The following PRR16 variants were observed in gnomAD, a reference collection of about 807,000 sequenced individuals.
The protein encoded by PRR16 is proline rich 16.
A neutral mutation model predicts 18.2 loss-of-function variants in PRR16; 6 were observed. That is an observed-to-expected ratio of 0.33 (90% CI 0.18 to 0.65). PRR16 has a LOEUF of 0.65. PRR16 is among the 30% of genes least tolerant of loss of function. The probability of loss-of-function intolerance (pLI) is 0.74; values close to 1 mark genes in which losing one functional copy is unlikely to be tolerated. For synonymous variants in PRR16, 151 were observed against 147.8 expected, an observed-to-expected ratio of 1.02 and a Z score of -0.16; for missense variants, 412 against 376.6, an observed-to-expected ratio of 1.09 and a Z score of -0.78.
At chr5:120,578,149 T>TAAGCA (rs1672342695) in intron 1 of PRR16, among the ~76,000 whole-genome samples, 4 of 152,238 alleles carry the variant, frequency 2.6e-5, no homozygotes, top group Non-Finnish European at 5.9e-5. Context: ...AAAGCAGTTT[T>TAAGCA]TCCCCAGTTA....
the PRR16 span, among the ~76,000 whole-genome samples, chr5:120,718,172 G>C: frequency 2.0e-5 from 3 of 152,020 alleles, no homozygotes; most frequent in African/African-American, 7.2e-5. Flanking sequence ...CCCGTCTAAT[G>C]TTCACATCCT....
chr5:120,591,430 G>T (rs2168216), intron 1 of PRR16, among the ~76,000 whole-genome samples: 1 of 151,652 alleles, frequency 6.6e-6, no homozygotes, highest in Non-Finnish European at 1.5e-5. Context: ...ATATTAGAGA[G>T]TATATAAATG....
chr5:120,728,270 A>G, the PRR16 span, among the ~76,000 whole-genome samples: 2 of 151,934 alleles, frequency 1.3e-5, no homozygotes, highest in Non-Finnish European at 2.9e-5. Context: ...GCATTAAGAC[A>G]TACTACAATA....
intron 1 of PRR16, among the ~76,000 whole-genome samples, chr5:120,579,001 T>C (rs1172551404): frequency 6.6e-6 from 1 of 152,170 alleles, no homozygotes; most frequent in Non-Finnish European, 1.5e-5. Flanking sequence ...CTGATGATCA[T>C]TGATGTTGAG....
In PRR16 at chr5:120,686,346, C is replaced by A. The variant is rs1757122830; in HGVS notation, c.552C>A (p.Val184=). Residue 184 remains valine, a synonymous_variant, in exon 2 of 2, where the codon GTC becomes GTA. Coordinates refer to ENST00000407149, the MANE Select transcript of PRR16 (RefSeq NM_001300783.2). ...IPNSNLDKAP[V]QLLMHRPEKD... ...ACAGTAACTTGGACAAGGCTCCAGT[C>A]CAGCTTCTGATGCATAGACCTGAAA... The A allele has an allele frequency of 1.2e-6, 2 of 1,614,046 alleles. No individual in the cohort carries two copies. Among genetic ancestry groups the A allele is most frequent in the Admixed American group, 1.7e-5 (1 of 59,996 alleles).
chr5:120,509,877 C>T lies in PRR16; in HGVS notation c.159+45232C>T, dbSNP rs577727820. Among the ~76,000 whole-genome samples the T allele has an allele frequency of 4.6e-5, 7 of 152,090 alleles. No homozygotes were observed. In the South Asian group the frequency reaches 1.5e-3, roughly 32 times the overall value. On this transcript the variant is annotated intron_variant, in intron 1 of 1. Coordinates refer to ENST00000407149, the MANE Select transcript of PRR16 (RefSeq NM_001300783.2). ...TTGAGTAATATTTAATTCATAATGG[C>T]CTTGAAGGTCTTCAAGTTTTTTTTC...
At chr5:120,663,959 A>G (rs1349896551) in intron 1 of PRR16, among the ~76,000 whole-genome samples, 1 of 152,120 alleles carries the variant, frequency 6.6e-6, no homozygotes, top group African/African-American at 2.4e-5. Context: ...TAAAAAATCA[A>G]CTATATTCAT....
At chr5:120,758,150 C>T in the PRR16 span, among the ~76,000 whole-genome samples, 1 of 151,970 alleles carries the variant, frequency 6.6e-6, no homozygotes, top group African/African-American at 2.4e-5. Context: ...AGGTCAGTAA[C>T]TTATTTGGAA....
At chr5:120,749,400 G>T in the PRR16 span, among the ~76,000 whole-genome samples, 1 of 151,966 alleles carries the variant, frequency 6.6e-6, no homozygotes, top group Admixed American at 6.6e-5. Context: ...CCATCCATGG[G>T]CAAAATTGTT....
intron 1 of PRR16, among the ~76,000 whole-genome samples, chr5:120,664,713 T>C (rs887825830): frequency 6.6e-6 from 1 of 151,708 alleles, no homozygotes; most frequent in African/African-American, 2.4e-5. Flanking sequence ...CAGTGTTTGG[T>C]TTTTTGTCCT....
chr5:120,645,693 T>C (rs1755568578), intron 1 of PRR16, among the ~76,000 whole-genome samples: 1 of 152,046 alleles, frequency 6.6e-6, no homozygotes, highest in Non-Finnish European at 1.5e-5. Context: ...TCATGTTTGG[T>C]TAAGTCAAAA....
At chr5:120,697,205 T>C in the PRR16 span, among the ~76,000 whole-genome samples, 1 of 152,196 alleles carries the variant, frequency 6.6e-6, no homozygotes, top group Non-Finnish European at 1.5e-5. Flanking sequence ...CTTGTATAAA[T>C]GTTCCTCTGA....
At chr5:120,763,734 A>C in the PRR16 span, among the ~76,000 whole-genome samples, 1 of 151,832 alleles carries the variant, frequency 6.6e-6, no homozygotes, top group East Asian at 1.9e-4. Flanking sequence ...TTCTTTCATC[A>C]GTTTTTTGTA....
chr5:120,702,029 G>A, the PRR16 span, among the ~76,000 whole-genome samples: 57 of 152,136 alleles, frequency 3.7e-4, no homozygotes, highest in African/African-American at 1.2e-3. Context: ...GAGAACACAG[G>A]CCAAGGGAGT....
intron 1 of PRR16, among the ~76,000 whole-genome samples, chr5:120,492,740 CCGTTA>C (rs1483774975): frequency 1.3e-5 from 2 of 152,070 alleles, no homozygotes; most frequent in African/African-American, 4.8e-5. Context: ...TCCCCACAGT[CCGTTA>C]TATCACTCTA....
At chr5:120,735,377 C>G in the PRR16 span, among the ~76,000 whole-genome samples, 11 of 152,038 alleles carry the variant, frequency 7.2e-5, no homozygotes, top group Non-Finnish European at 1.6e-4. Context: ...GATATACATT[C>G]AAAAGTGGGG....
intron 1 of PRR16, among the ~76,000 whole-genome samples, chr5:120,520,896 CATT>C (rs1199022703): frequency 6.6e-6 from 1 of 151,456 alleles, no homozygotes; most frequent in African/African-American, 2.4e-5. Flanking sequence ...ATTTGGGAAA[CATT>C]ACTTTTTTTT....
At chr5:120,605,484 C>A (rs1754124257) in intron 1 of PRR16, among the ~76,000 whole-genome samples, 2 of 152,232 alleles carry the variant, frequency 1.3e-5, no homozygotes, top group African/African-American at 4.8e-5. Context: ...TGTTGAGCTT[C>A]CTTGACATCT....
chr5:120,656,764 G>A (rs1755993952), intron 1 of PRR16, among the ~76,000 whole-genome samples: 1 of 151,896 alleles, frequency 6.6e-6, no homozygotes, highest in African/African-American at 2.4e-5. Flanking sequence ...TGATATATTT[G>A]TGCTTAATGT....
Sources: allele counts gnomAD v4.1 joint callset (sites outside exome capture counted in the v4.1 genomes callset), GRCh38; gene constraint gnomAD v4.1.1; transcripts MANE v1.5; gene names NCBI Gene and HGNC (gene_info 2026-07-23, HGNC 2026-07-21).